The following AUTS2 variants were observed in gnomAD, a reference collection of about 807,000 sequenced individuals.
AUTS2 encodes the protein activator of transcription and developmental regulator AUTS2.
AUTS2 carries 17 observed loss-of-function variants against 112.4 expected under a neutral mutation model. That is an observed-to-expected ratio of 0.15 (90% CI 0.10 to 0.23). The LOEUF (loss-of-function observed/expected upper bound fraction) is 0.23. AUTS2 is among the 10% of genes least tolerant of loss of function. The pLI is 1.00. For missense variants in AUTS2, 1,510 were observed against 1,701.6 expected, an observed-to-expected ratio of 0.89 and a Z score of 1.98; for synonymous variants, 751 against 702.7, an observed-to-expected ratio of 1.07 and a Z score of -1.09.
rs149653549 is a variant in AUTS2, at chr7:69,614,762, G to T, written c.309+14800G>T. ...ACCTCCCAGAATGCTGGGATTACAG[G>T]TGTGAGCCACTGCGCCCATCTGAGT... is the stretch of plus-strand genomic sequence containing the variant. On this transcript the variant is annotated intron_variant, in intron 1 of 18. Coordinates refer to ENST00000342771, the MANE Select transcript of AUTS2 (RefSeq NM_015570.4). Among the ~76,000 whole-genome samples, 299 of 152,228 alleles carry T rather than the reference G, an allele frequency of 2.0e-3. 1 individual carries two copies. The highest frequency in any genetic ancestry group is 6.7e-3 in the African/African-American group (279 of 41,512).
chr7:70,228,477 T>G (rs186356148), intron 4 of AUTS2, among the ~76,000 whole-genome samples: 34 of 152,090 alleles, frequency 2.2e-4, no homozygotes, highest in Admixed American at 1.9e-3. Context: ...CATCTTTTTT[T>G]GTTCAGTTGA....
chr7:70,732,108 G>A (rs1375167204), intron 6 of AUTS2, among the ~76,000 whole-genome samples: 2 of 152,088 alleles, frequency 1.3e-5, no homozygotes, highest in Non-Finnish European at 2.9e-5. Context: ...GTCTATAAGG[G>A]TATTTCCTAA....
chr7:69,727,521 C>A lies in AUTS2; in HGVS notation c.309+127559C>A, dbSNP rs182469570. 3.0e-3 allele frequency among the ~76,000 whole-genome samples: 451 copies of A among 152,132 alleles called. 2 individuals are homozygous for A. The highest frequency in any genetic ancestry group is 2.8e-3 in the Non-Finnish European group (190 of 67,988). Reference sequence around the variant, plus strand: ...AGGAGAATAGCTTGAACCTGGGAGGCGGAGGTTGCAGTGAGCTGAGATCGC... The same window carrying A: ...AGGAGAATAGCTTGAACCTGGGAGGAGGAGGTTGCAGTGAGCTGAGATCGC... On this transcript the variant is annotated intron_variant, in intron 1 of 18. Transcript: ENST00000342771.
chr7:70,043,408 A>G (rs979953347), intron 2 of AUTS2, among the ~76,000 whole-genome samples: 3 of 152,022 alleles, frequency 2.0e-5, no homozygotes, highest in Admixed American at 6.5e-5. Context: ...TCCTTTTACA[A>G]TTATATTTTA....
intron 1 of AUTS2, among the ~76,000 whole-genome samples, chr7:69,731,677 G>C (rs140110960): frequency 6.6e-6 from 1 of 152,146 alleles, no homozygotes; most frequent in South Asian, 2.1e-4. Context: ...TCAAGAGGTT[G>C]TTCCCTTTTT....
chr7:70,751,070 A>G (rs1393477634), intron 6 of AUTS2, among the ~76,000 whole-genome samples: 8 of 152,192 alleles, frequency 5.3e-5, no homozygotes, highest in Admixed American at 5.2e-4. Context: ...CTCTGTTATC[A>G]AAAGACGTGC....
At chr7:69,960,929 G>A (rs151231105) in intron 2 of AUTS2, among the ~76,000 whole-genome samples, 2 of 152,156 alleles carry the variant, frequency 1.3e-5, no homozygotes, top group African/African-American at 2.4e-5. Flanking sequence ...TTTTATAAGA[G>A]GAGGTCATAA....
At chr7:69,863,398 G>A (rs182869133) in intron 1 of AUTS2, among the ~76,000 whole-genome samples, 23 of 152,252 alleles carry the variant, frequency 1.5e-4, no homozygotes, top group South Asian at 1.0e-3. Context: ...TTGAGCATTC[G>A]TGGATTTTAG....
chr7:70,693,934 G>T (rs906167626), intron 5 of AUTS2: 1 of 152,000 alleles, frequency 6.6e-6, no homozygotes, highest in African/African-American at 2.4e-5. Flanking sequence ...CCGCTGGGCC[G>T]ACCCGGCGCC....
chr7:70,418,066 G>C (rs1208856248), intron 4 of AUTS2, among the ~76,000 whole-genome samples: 1 of 139,412 alleles, frequency 7.2e-6, no homozygotes, highest in Non-Finnish European at 1.6e-5. Context: ...AGGCTTGGTG[G>C]CTAACTTTCT....
At chr7:70,452,572 C>A (rs1796578860) in intron 5 of AUTS2, among the ~76,000 whole-genome samples, 1 of 152,180 alleles carries the variant, frequency 6.6e-6, no homozygotes, top group East Asian at 1.9e-4. Flanking sequence ...CTGCAAAAAA[C>A]CATAACACAC....
At chr7:70,015,407 A>G (rs1396892694) in intron 2 of AUTS2, among the ~76,000 whole-genome samples, 1 of 152,246 alleles carries the variant, frequency 6.6e-6, no homozygotes, top group Non-Finnish European at 1.5e-5. Flanking sequence ...AAATAATTGC[A>G]CAAAATCTGG....
intron 5 of AUTS2, among the ~76,000 whole-genome samples, chr7:70,459,552 A>T (rs1796879044): frequency 1.3e-5 from 2 of 152,176 alleles, no homozygotes; most frequent in South Asian, 4.1e-4. Flanking sequence ...CTGTGTCCAG[A>T]GAAGACATTC....
At chr7:70,685,675 G>A (rs555808029) in intron 5 of AUTS2, among the ~76,000 whole-genome samples, 1 of 152,030 alleles carries the variant, frequency 6.6e-6, no homozygotes, top group African/African-American at 2.4e-5. Flanking sequence ...GAACATCTAA[G>A]GTGGTTTCAG....
chr7:69,944,534 CTT>C (rs772198282), intron 2 of AUTS2, among the ~76,000 whole-genome samples: 3 of 152,146 alleles, frequency 2.0e-5, no homozygotes, highest in Non-Finnish European at 4.4e-5. Context: ...GGTACAGTAT[CTT>C]TGAATTTCAC....
intron 6 of AUTS2, among the ~76,000 whole-genome samples, chr7:70,722,949 A>G (rs1011005576): frequency 1.3e-5 from 2 of 152,180 alleles, no homozygotes; most frequent in African/African-American, 4.8e-5. Flanking sequence ...TTTACAAACT[A>G]ACTTCACTGC....
chr7:70,772,807 T>TA (rs1270468829), intron 11 of AUTS2, among the ~76,000 whole-genome samples: 1 of 152,262 alleles, frequency 6.6e-6, no homozygotes, highest in African/African-American at 2.4e-5. Flanking sequence ...TGTCTGGAGA[T>TA]AAAATGATGG....
At chr7:70,037,328 C>G (rs1429279605) in intron 2 of AUTS2, among the ~76,000 whole-genome samples, 1 of 152,138 alleles carries the variant, frequency 6.6e-6, no homozygotes, top group Non-Finnish European at 1.5e-5. Context: ...AACATGAGGA[C>G]TATAGTGAAT....
rs138473298 is a variant in AUTS2 at position 70,180,003 on chromosome 7, C to T, written c.660+45432C>T. ...GCTGCTAACAGAAAAAAGTAGGGCT[C>T]ATTTCTCTGCAAAATGCTGCACAAA... On this transcript the variant is annotated intron_variant, in intron 4 of 18. Coordinates refer to ENST00000342771, the MANE Select transcript of AUTS2 (RefSeq NM_015570.4). 7.8e-3 allele frequency among the ~76,000 whole-genome samples: 1,180 copies of T among 152,210 alleles called. 5 individuals carry two copies. Among genetic ancestry groups the T allele is most frequent in the Non-Finnish European group, 0.012 (788 of 68,016 alleles).
Sources: allele counts gnomAD v4.1 joint callset (sites outside exome capture counted in the v4.1 genomes callset), GRCh38; gene constraint gnomAD v4.1.1; transcripts MANE v1.5; gene names NCBI Gene and HGNC (gene_info 2026-07-23, HGNC 2026-07-21).